The following GUSB variants were observed in gnomAD, a reference collection of about 807,000 sequenced individuals.
GUSB encodes the protein beta-glucuronidase.
Under a neutral mutation model 74.6 loss-of-function variants are expected in GUSB, and 51 were observed. That is an observed-to-expected ratio of 0.68 (90% confidence interval 0.55 to 0.86). GUSB has a LOEUF of 0.86. GUSB is among the 40% of genes least tolerant of loss of function. The probability of loss-of-function intolerance (pLI) is 0.00; values close to 1 mark genes in which losing one functional copy is unlikely to be tolerated. For synonymous variants in GUSB, 360 were observed against 348.3 expected, an observed-to-expected ratio of 1.03 and a Z score of -0.37; for missense variants, 736 against 853.7, an observed-to-expected ratio of 0.86 and a Z score of 1.72.
rs868642665 is a variant in GUSB, at chr7:65,976,108, C to G, written c.819G>C (p.Gly273=). 1 of 1,613,790 alleles carries G rather than the reference C, an allele frequency of 6.2e-7. No individual in the cohort carries two copies. The highest frequency in any genetic ancestry group is 8.5e-7 in the Non-Finnish European group (1 of 1,179,926). The change falls in exon 5 of 12, where the codon GGG becomes GGC. Residue 273 remains glycine, a synonymous_variant. Transcript: ENST00000304895. ...LDAENKVVAN[G]TGTQGQLKVP... ...CCTTAAGTTGGCCCTGGGTCCCAGTCCCATTCGCCACGACTTTGTTTTCTG... is the reference window on the plus strand; with the variant it reads ...CCTTAAGTTGGCCCTGGGTCCCAGTGCCATTCGCCACGACTTTGTTTTCTG...
chr7:65,981,605 C>T (rs1792027142), intron 1 of GUSB, among the ~76,000 whole-genome samples: 1 of 151,796 alleles, frequency 6.6e-6, no homozygotes, highest in African/African-American at 2.4e-5. Flanking sequence ...GCGGGAGAAT[C>T]GCTTGAGCTC....
In GUSB at chr7:65,976,172, C is replaced by T; in HGVS notation, c.755G>A (p.Gly252Asp). The change falls in exon 5 of 12, where the codon GGC becomes GAC. Residue 252 changes from glycine (G) to aspartate (D), a missense_variant. By Grantham distance (94) the Gly-to-Asp change is moderately conservative. Transcript: ENST00000304895. The part of the protein sequence containing the change: ...GLVNYQISVK[G>D]SNLFKLEVRL... ...CACTTCCAACTTGAACAGGTTACTG[C>T]CCTTGACAGAGATCTGGTAATTCAC... 6.2e-7 allele frequency: 1 copy of T among 1,613,338 alleles called. No homozygotes were observed. The highest frequency in any genetic ancestry group is 1.3e-5 in the African/African-American group (1 of 75,062).
In GUSB at chr7:65,976,170, T is replaced by C. The variant is rs1791562557; in HGVS notation, c.757A>G (p.Ser253Gly). The C allele has an allele frequency of 6.2e-7, 1 of 1,613,374 alleles. No individual in the cohort carries two copies. ...LVNYQISVKG[S>G]NLFKLEVRLL... Reference sequence around the variant, plus strand: ...CGCACTTCCAACTTGAACAGGTTACTGCCCTTGACAGAGATCTGGTAATTC... The same window carrying C: ...CGCACTTCCAACTTGAACAGGTTACCGCCCTTGACAGAGATCTGGTAATTC... Residue 253 changes from serine (S) to glycine (G), a missense_variant, in exon 5 of 12, where the codon AGT (serine) becomes GGT (glycine). Coordinates refer to ENST00000304895, the MANE Select transcript of GUSB (RefSeq NM_000181.4).
chr7:65,968,356 C>T lies in GUSB; in HGVS notation c.1477-449G>A, dbSNP rs542138843. On this transcript the variant is annotated intron_variant, in intron 9 of 11. Transcript: ENST00000304895. The stretch of plus-strand genomic sequence containing the variant: ...GGCAAGAAACATGGTCACAAAGTGG[C>T]CCAGAGGAGGTAGGCCTGGGACTCC... Among the ~76,000 whole-genome samples the T allele has an allele frequency of 7.9e-5, 12 of 152,264 alleles. No individual in the cohort carries two copies. In the East Asian group the frequency reaches 2.3e-3, roughly 29 times the overall value.
chr7:65,964,723 T>C (rs1173405029), intron 10 of GUSB, among the ~76,000 whole-genome samples: 1 of 152,194 alleles, frequency 6.6e-6, no homozygotes, highest in Non-Finnish European at 1.5e-5. Context: ...ACATTACTTT[T>C]CCACCTCTAT....
In GUSB at chr7:65,960,948, A is replaced by G; in HGVS notation, c.1905T>C (p.Tyr635=). ...RYWKIANETR[Y]PHSVAKSQCL... Reference sequence around the variant, plus strand: ...ATTGTGACTTGGCTACTGAGTGGGGATACCTGGTTTCATTGGCAATCTTCC... The same window carrying G: ...ATTGTGACTTGGCTACTGAGTGGGGGTACCTGGTTTCATTGGCAATCTTCC... The change falls in exon 12 of 12, where the codon TAT becomes TAC. Residue 635 remains tyrosine (Y), a synonymous_variant. Transcript: ENST00000304895. The G allele has an allele frequency of 1.2e-6, 2 of 1,613,868 alleles. No homozygotes were observed. The highest frequency in any genetic ancestry group is 1.3e-5 in the African/African-American group (1 of 74,964).
Position 65,967,775 on chromosome 7 carries a change from T to C in GUSB, c.1609A>G (p.Ile537Val). ...NWYKKYQKPIIQSEYGAETIA... is the reference protein window; with the variant it reads ...NWYKKYQKPIVQSEYGAETIA... ...GTTTCTGCTCCATACTCGCTCTGAA[T>C]AATGGGCTTCTGATACTTCTTATAC... The change falls in exon 10 of 12, where the codon ATT (isoleucine) becomes GTT (valine). Residue 537 changes from isoleucine to valine, a missense_variant. By Grantham distance (29) the Ile-to-Val change is conservative. Around this residue, in one of 2 missense-constraint regions of GUSB, gnomAD observed 368 missense variants for 489.9 expected, o/e 0.75. Coordinates refer to ENST00000304895, the MANE Select transcript of GUSB (RefSeq NM_000181.4). 1 of 1,613,718 alleles carries C rather than the reference T, an allele frequency of 6.2e-7. No individual in the cohort carries two copies.
intron 4 of GUSB, among the ~76,000 whole-genome samples, chr7:65,977,470 T>C (rs1175872491): frequency 6.6e-6 from 1 of 152,152 alleles, no homozygotes; most frequent in Non-Finnish European, 1.5e-5. Flanking sequence ...CAAAATACCT[T>C]TCCTTGGCAA....
At chr7:65,973,133 C>A (rs1483972574) in intron 8 of GUSB, among the ~76,000 whole-genome samples, 2 of 152,096 alleles carry the variant, frequency 1.3e-5, no homozygotes, top group Non-Finnish European at 2.9e-5. Flanking sequence ...GAGTTCCACG[C>A]CAGCCTGGCA....
At chr7:65,968,015 C>CCCTT in intron 9 of GUSB, 108 bp from the exon 10 acceptor site, 2 of 919,414 alleles carry the variant, frequency 2.2e-6, no homozygotes, top group Non-Finnish European at 3.5e-6. Context: ...GATGTAATCC[C>CCCTT]AGCACTCTGG....
Position 65,961,569 on chromosome 7 carries a change from G to GA in GUSB, c.1790-507dup, listed in dbSNP as rs201794272. The stretch of plus-strand genomic sequence containing the variant: ...TTTCTAGTTTTCTAGTCTGTTAGGG[G>GA]AAAAAAACCCAAAACAGTGGCCAGG... On this transcript the variant is annotated intron_variant, in intron 11 of 11. Transcript: ENST00000304895. Among the ~76,000 whole-genome samples, 1,028 of 152,220 alleles carry GA rather than the reference G, an allele frequency of 6.8e-3. 20 individuals are homozygous for GA. The highest frequency in any genetic ancestry group is 0.036 in the Admixed American group (554 of 15,276).
chr7:65,979,418 G>A lies in GUSB; in HGVS notation c.705C>T (p.Thr235=). 1 of 1,613,790 alleles carries A rather than the reference G, an allele frequency of 6.2e-7. No individual in the cohort carries two copies. Among genetic ancestry groups the A allele is most frequent in the African/African-American group, 1.3e-5 (1 of 75,046 alleles). The change falls in exon 4 of 12, where the codon ACC becomes ACT. Residue 235 remains threonine, a synonymous_variant. Transcript: ENST00000304895. ...CCTCACCACTGTCTTGCTCCACGCT[G>A]GTGGTGACGGTGATGTCATCGATGT... ...TTYIDDITVT[T]SVEQDSGLVN...
At chr7:65,979,068 G>A (rs745747000) in intron 4 of GUSB, among the ~76,000 whole-genome samples, 1 of 151,338 alleles carries the variant, frequency 6.6e-6, no homozygotes, top group Non-Finnish European at 1.5e-5. Flanking sequence ...CATGCCCGGC[G>A]CCCCCCCCAC....
At chr7:65,971,026 A>AC (rs1270986589) in intron 8 of GUSB, among the ~76,000 whole-genome samples, 2 of 151,884 alleles carry the variant, frequency 1.3e-5, no homozygotes, top group African/African-American at 4.8e-5. Flanking sequence ...CACTCCTTCT[A>AC]CCCCCATCTC....
In GUSB at chr7:65,974,416, G is replaced by A; in HGVS notation, c.1270C>T (p.His424Tyr). The A allele has an allele frequency of 6.2e-7, 1 of 1,614,200 alleles. No individual in the cohort carries two copies. Among genetic ancestry groups the A allele is most frequent in the African/African-American group, 1.3e-5 (1 of 75,066 alleles). ...TCTTCCATCACCTGCATGTGGTGAT[G>A]CAGAGAAACGTTGTTGAAGAACTGC... is the stretch of plus-strand genomic sequence containing the variant. ...LPQFFNNVSL[H>Y]HHMQVMEEVV... Residue 424 changes from histidine to tyrosine, a missense_variant, in exon 8 of 12, where the codon CAT becomes TAT. Transcript: ENST00000304895.
At chr7:65,977,696 C>A (rs577484115) in intron 4 of GUSB, among the ~76,000 whole-genome samples, 2 of 151,098 alleles carry the variant, frequency 1.3e-5, no homozygotes, top group South Asian at 4.2e-4. Flanking sequence ...AGCCTAAATT[C>A]TTTTAAACTT....
intron 1 of GUSB, 51 bp from the exon 2 acceptor site, chr7:65,980,460 G>A (rs766200260): frequency 5.8e-6 from 9 of 1,543,300 alleles, no homozygotes; most frequent in Admixed American, 1.8e-5. Context: ...AAGGGTCCAG[G>A]ACCAGTGTGC....
rs772006853 is a variant in GUSB at position 65,979,553 on chromosome 7, G to A, written c.582-12C>T. On this transcript the variant is annotated splice_polypyrimidine_tract_variant and intron_variant, in intron 3 of 11. Transcript: ENST00000304895. ...AACCCTTGGGATACCTAGGATGGGA[G>A]GACTGTGGTTTGCTGGGCCCTTGCT... is the stretch of plus-strand genomic sequence containing the variant. 1 of 1,614,040 alleles carries A rather than the reference G, an allele frequency of 6.2e-7. No homozygotes were observed. Among genetic ancestry groups the A allele is most frequent in the South Asian group, 1.1e-5 (1 of 91,072 alleles).
chr7:65,973,683 AGC>A (rs1475409974), intron 8 of GUSB, among the ~76,000 whole-genome samples: 125 of 152,120 alleles, frequency 8.2e-4, no homozygotes, highest in African/African-American at 2.9e-3. Context: ...CTTGAACCTG[AGC>A]GGCAGAGGTT....
Sources: gnomAD v4.1 joint callset for allele counts (sites outside exome capture counted in the v4.1 genomes callset) on GRCh38, gnomAD v4.1.1 for gene constraint, gnomAD v4.1.1 regional missense constraint, MANE v1.5 for transcripts, NCBI Gene and HGNC (gene_info 2026-07-23, HGNC 2026-07-21) for gene names.